Variants in CDH12 observed in about 807,000 individuals in gnomAD.
CDH12 encodes cadherin-12.
In CDH12, 41 loss-of-function variants were observed where a neutral mutation model predicts 74.1. That is an observed-to-expected ratio of 0.55 (90% CI 0.43 to 0.72). CDH12 has a LOEUF of 0.72. Among genes scored for constraint, CDH12 ranks in the 30% least tolerant of loss-of-function variants. The pLI, the probability that CDH12 is intolerant of heterozygous loss-of-function variation, is 0.00. For synonymous variants in CDH12, 399 were observed against 355.0 expected (o/e 1.12, Z -1.39); for missense variants, 945 against 977.2 (o/e 0.97, Z 0.44).
chr5:22,842,127 A>T (rs1032273313), intron 1 of CDH12, among the ~76,000 whole-genome samples: 11 of 152,194 alleles, frequency 7.2e-5, no homozygotes, highest in African/African-American at 2.7e-4. Flanking sequence ...GCATCCATGG[A>T]ACTAGTACTG....
At chr5:22,110,988 A>G (rs1180741543) in intron 4 of CDH12, among the ~76,000 whole-genome samples, 2 of 152,112 alleles carry the variant, frequency 1.3e-5, no homozygotes, top group East Asian at 1.9e-4. Flanking sequence ...TAATTTTCTC[A>G]CTGTATAGTT....
intron 3 of CDH12, chr5:22,277,954 T>A (rs541668828): frequency 6.6e-6 from 1 of 152,350 alleles, no homozygotes; most frequent in East Asian, 1.9e-4. Context: ...GAGCTGGATA[T>A]GAAAACTTAG....
rs567752354 is a variant in CDH12, at chr5:22,468,819, G to A, written c.-428+36451C>T. ...TAAATGTGGTTTTTAGATAGATACAGATATACACACTCCCATATCCTCTCA... is the reference window on the plus strand; with the variant it reads ...TAAATGTGGTTTTTAGATAGATACAAATATACACACTCCCATATCCTCTCA... On this transcript the variant is annotated intron_variant, in intron 2 of 14. Coordinates refer to ENST00000382254, the MANE Select transcript of CDH12 (RefSeq NM_004061.5). Among the ~76,000 whole-genome samples, 60 of 152,220 alleles carry A rather than the reference G, an allele frequency of 3.9e-4. 1 individual carries two copies. The South Asian group carries it at 0.012, about 30-fold the overall frequency.
At chr5:22,751,908 C>A (rs1745596058) in intron 1 of CDH12, among the ~76,000 whole-genome samples, 1 of 152,046 alleles carries the variant, frequency 6.6e-6, no homozygotes, top group Admixed American at 6.6e-5. Flanking sequence ...GCTACATAAA[C>A]ATCTATTTCG....
chr5:22,627,961 C>A (rs1186413544), intron 1 of CDH12, among the ~76,000 whole-genome samples: 2 of 151,944 alleles, frequency 1.3e-5, no homozygotes, highest in Non-Finnish European at 1.5e-5. Context: ...ACATAACAGA[C>A]TTTAATCCAA....
intron 1 of CDH12, among the ~76,000 whole-genome samples, chr5:22,561,287 C>T (rs1044632339): frequency 3.3e-5 from 5 of 151,962 alleles, no homozygotes; most frequent in Non-Finnish European, 1.5e-5. Context: ...AAAGGCCACT[C>T]AATTAAAAAA....
At chr5:21,925,298 C>T (rs530333241) in intron 6 of CDH12, among the ~76,000 whole-genome samples, 1 of 152,250 alleles carries the variant, frequency 6.6e-6, no homozygotes, top group South Asian at 2.1e-4. Context: ...TCAAGTCCTC[C>T]CTCAAACACT....
At chr5:22,509,867 T>G (rs577431079) in intron 1 of CDH12, among the ~76,000 whole-genome samples, 1 of 152,054 alleles carries the variant, frequency 6.6e-6, no homozygotes, top group Non-Finnish European at 1.5e-5. Flanking sequence ...CCCAAATATA[T>G]AATATGGTGG....
intron 4 of CDH12, among the ~76,000 whole-genome samples, chr5:22,079,384 A>G (rs975693291): frequency 6.6e-6 from 1 of 152,210 alleles, no homozygotes; most frequent in African/African-American, 2.4e-5. Context: ...GGAGCAAAAA[A>G]TGCCAAAATT....
chr5:22,006,237 C>T (rs1442854946), intron 5 of CDH12, among the ~76,000 whole-genome samples: 2 of 151,740 alleles, frequency 1.3e-5, no homozygotes, highest in Non-Finnish European at 1.5e-5. Context: ...CAAGGTGGTC[C>T]CAAACCCCTG....
chr5:21,852,315 T>G (rs866314803), intron 7 of CDH12, among the ~76,000 whole-genome samples: 79 of 151,444 alleles, frequency 5.2e-4, no homozygotes, highest in African/African-American at 1.8e-3. Context: ...TACGACAGAA[T>G]TGTTTCACTC....
intron 1 of CDH12, among the ~76,000 whole-genome samples, chr5:22,694,950 C>T (rs1056039575): frequency 9.2e-5 from 14 of 152,016 alleles, no homozygotes; most frequent in South Asian, 2.1e-4. Flanking sequence ...TTTTAAGCCC[C>T]GCATGCATTA....
chr5:22,009,955 A>AAAAAAAG (rs1235264573), intron 5 of CDH12, among the ~76,000 whole-genome samples: 15 of 151,112 alleles, frequency 9.9e-5, no homozygotes, highest in African/African-American at 3.6e-4. Flanking sequence ...AAAAAAAAAA[A>AAAAAAAG]AAAAGAAAAA....
chr5:22,711,565 G>A (rs1361722971), intron 1 of CDH12, among the ~76,000 whole-genome samples: 1 of 152,032 alleles, frequency 6.6e-6, no homozygotes, highest in Non-Finnish European at 1.5e-5. Flanking sequence ...TGACAACCAG[G>A]TCTTGTCATA....
At chr5:21,939,754 T>C (rs374236884) in intron 6 of CDH12, among the ~76,000 whole-genome samples, 1 of 152,210 alleles carries the variant, frequency 6.6e-6, no homozygotes. Flanking sequence ...CCTGAATAGG[T>C]ATTCAACTGT....
chr5:22,556,257 G>C (rs1036855102), intron 1 of CDH12, among the ~76,000 whole-genome samples: 1 of 152,030 alleles, frequency 6.6e-6, no homozygotes, highest in African/African-American at 2.4e-5. Flanking sequence ...GAAGGGGACA[G>C]ACTTCTAAGA....
intron 3 of CDH12, among the ~76,000 whole-genome samples, chr5:22,306,178 T>G (rs541301587): frequency 2.6e-5 from 4 of 152,228 alleles, no homozygotes; most frequent in Non-Finnish European, 5.9e-5. Context: ...AGTTGCAATT[T>G]ATACTGTTCT....
At chr5:22,114,698 C>T (rs569034124) in intron 4 of CDH12, among the ~76,000 whole-genome samples, 1 of 151,990 alleles carries the variant, frequency 6.6e-6, no homozygotes, top group African/African-American at 2.4e-5. Context: ...TTGTGGTTTC[C>T]ATATATGGAA....
At chr5:22,235,443 G>T (rs559434121) in intron 3 of CDH12, among the ~76,000 whole-genome samples, 1 of 151,936 alleles carries the variant, frequency 6.6e-6, no homozygotes, top group Non-Finnish European at 1.5e-5. Flanking sequence ...TTAGGCAGGC[G>T]TGGTGTGGGC....
Sources: allele counts gnomAD v4.1 joint callset (sites outside exome capture counted in the v4.1 genomes callset), GRCh38; gene constraint gnomAD v4.1.1; transcripts MANE v1.5; gene names NCBI Gene and HGNC (gene_info 2026-07-23, HGNC 2026-07-21).